The following GK2 variants were observed in gnomAD, a reference collection of about 807,000 sequenced individuals.
GK2 encodes the protein glycerol kinase 2.
GK2 carries 10 observed loss-of-function variants against 9.5 expected under a neutral mutation model. The observed-to-expected ratio is 1.05, with a 90% CI of 0.65 to 1.78. The LOEUF is 1.78. Ranked by LOEUF, GK2 falls within the 40% of genes most tolerant of loss-of-function variation. GK2 has a pLI of 0.00. For synonymous variants in GK2, 228 were observed against 229.9 expected, an observed-to-expected ratio of 0.99 and a Z score of 0.07; for missense variants, 643 against 669.0, an observed-to-expected ratio of 0.96 and a Z score of 0.43.
In GK2 at chr4:79,406,445, A is replaced by T. The variant is rs1275096960; in HGVS notation, c.*94T>A. The stretch of plus-strand genomic sequence containing the variant: ...GCAAGTGGTTTATAAACAAAATCAG[A>T]GTCTATAATAGTGTCATTATATTAA... On this transcript the variant is annotated 3_prime_UTR_variant, in exon 1 of 1. Transcript: ENST00000358842. 2.8e-6 allele frequency: 2 copies of T among 726,176 alleles called. No individual in the cohort carries two copies. The highest frequency in any genetic ancestry group is 4.6e-6 in the Non-Finnish European group (2 of 436,764). The allele number at this position is 726,176 out of a possible 1,614,324, so 45.0% of individuals were successfully genotyped here.
chr4:79,407,728 A>G lies in GK2; in HGVS notation c.473T>C (p.Leu158Pro). The part of the protein sequence containing the change: ...YFSAVKLRWM[L>P]DNVRNVQKAV... ...CTTTTGGACGTTTCTCACATTGTCA[A>G]GCATCCAACGAAGTTTTACTGCACT... is the stretch of plus-strand genomic sequence containing the variant. The change falls in exon 1 of 1, where the codon CTT becomes CCT. Residue 158 changes from leucine to proline, a missense_variant. Physicochemically the swap from Leu to Pro is moderately conservative, Grantham distance 98 (BLOSUM62 -3). Transcript: ENST00000358842. 1 of 1,614,162 alleles carries G rather than the reference A, an allele frequency of 6.2e-7. No homozygotes were observed. Among genetic ancestry groups the G allele is most frequent in the Non-Finnish European group, 8.5e-7 (1 of 1,180,010 alleles).
In GK2 at chr4:79,406,592, C is replaced by T. The variant is rs1482615770; in HGVS notation, c.1609G>A (p.Val537Met). The change falls in exon 1 of 1, where the codon GTG (valine) becomes ATG (methionine). Residue 537 changes from valine to methionine, a missense_variant. By Grantham distance (21) the Val-to-Met change is conservative (BLOSUM62 1). Coordinates refer to ENST00000358842, the MANE Select transcript of GK2 (RefSeq NM_033214.3). ...CCAATTAGCATTACCATGCTACTCA[C>T]TATAAAAAATCCCAAAGGCAGACTA... ...FSSLPLGFFI[V>M]SSMVMLIGAR... 1.9e-6 allele frequency: 3 copies of T among 1,613,830 alleles called. No homozygotes were observed. Among genetic ancestry groups the T allele is most frequent in the Non-Finnish European group, 2.5e-6 (3 of 1,179,850 alleles).
In GK2 at chr4:79,407,929, C is replaced by T. The variant is rs769063042; in HGVS notation, c.272G>A (p.Ser91Asn). 1.4e-4 allele frequency: 219 copies of T among 1,614,048 alleles called. 1 individual carries two copies. The highest frequency in any genetic ancestry group is 1.8e-4 in the Non-Finnish European group (214 of 1,180,010). ...DISNIKAVGV[S>N]NQRETTVIWD... ...GATTACAGTGGTTTCCCTCTGATTG[C>T]TGACACCAACAGCTTTTATGTTGGA... The change falls in exon 1 of 1, where the codon AGC becomes AAC. Residue 91 changes from serine (S) to asparagine (N), a missense_variant. Ser to Asn is a conservative substitution (Grantham distance 46). Transcript: ENST00000358842.
In GK2 at chr4:79,406,466, A is replaced by G; in HGVS notation, c.*73T>C. Reference sequence around the variant, plus strand: ...TCAGAGTCTATAATAGTGTCATTATATTAAGAGGCAGAACTGCTATATGCT... The same window carrying G: ...TCAGAGTCTATAATAGTGTCATTATGTTAAGAGGCAGAACTGCTATATGCT... On this transcript the variant is annotated 3_prime_UTR_variant, in exon 1 of 1. Transcript: ENST00000358842. 1 of 879,510 alleles carries G rather than the reference A, an allele frequency of 1.1e-6. No homozygotes were observed. The highest frequency in any genetic ancestry group is 1.8e-6 in the Non-Finnish European group (1 of 556,374). 54.5% of individuals were successfully genotyped at this position (879,510 alleles called of 1,614,324 possible).
In GK2 at chr4:79,408,158, C is replaced by T. The variant is rs1429317086; in HGVS notation, c.43G>A (p.Ala15Thr). Residue 15 changes from alanine to threonine, a missense_variant, in exon 1 of 1, where the codon GCG becomes ACG. Transcript: ENST00000358842. ...KTAAVGPLVG[A>T]VVQGTNSTRF... ...GTGGAGTTGGTGCCCTGGACCACCG[C>T]TCCCACCAACGGCCCCACAGCTGCT... The T allele has an allele frequency of 3.1e-6, 5 of 1,609,706 alleles. No homozygotes were observed. Among genetic ancestry groups the T allele is most frequent in the Non-Finnish European group, 3.4e-6 (4 of 1,177,700 alleles).
rs910556956 is a variant in GK2, at chr4:79,406,890, T to C, written c.1311A>G (p.Leu437=). The C allele has an allele frequency of 6.2e-7, 1 of 1,614,088 alleles. No homozygotes were observed. The highest frequency in any genetic ancestry group is 8.5e-7 in the Non-Finnish European group (1 of 1,180,018). The change falls in exon 1 of 1, where the codon CTA becomes CTG. Residue 437 remains leucine (L), a synonymous_variant. Transcript: ENST00000358842. ...CTGGAATATGAAGAATATCTGCTTGTAGCTGCATAAGAACTTTGTTGTTGG... is the reference window on the plus strand; with the variant it reads ...CTGGAATATGAAGAATATCTGCTTGCAGCTGCATAAGAACTTTGTTGTTGG... ...GMTNNKVLMQ[L]QADILHIPVI...
At position 79,407,546 on chromosome 4, in the gene GK2, G is replaced by A. The variant is rs1725882722; in HGVS notation, c.655C>T (p.Leu219Phe). The A allele has an allele frequency of 1.2e-6, 2 of 1,614,004 alleles. No individual in the cohort carries two copies. The highest frequency in any genetic ancestry group is 1.3e-5 in the African/African-American group (1 of 74,910). Residue 219 changes from leucine (L) to phenylalanine (F), a missense_variant, in exon 1 of 1, where the codon CTC (leucine) becomes TTC (phenylalanine). Physicochemically the swap from Leu to Phe is conservative, Grantham distance 22. Coordinates refer to ENST00000358842, the MANE Select transcript of GK2 (RefSeq NM_033214.3). Reference sequence around the variant, plus strand: ...ATTGGAATTTCAAAAAAGTCACAGAGCTCTTTATCCCATTCCAAAGAATGG... The same window carrying A: ...ATTGGAATTTCAAAAAAGTCACAGAACTCTTTATCCCATTCCAAAGAATGG... Reference protein sequence around the residue: ...NIHSLEWDKELCDFFEIPMDL... With the variant: ...NIHSLEWDKEFCDFFEIPMDL...
In GK2 at chr4:79,408,063, C is replaced by T. The variant is rs201184235; in HGVS notation, c.138G>A (p.Glu46=). Reference sequence around the variant, plus strand: ...GTTCCACCCATCCTTCTTTTGGGAACTCTTGTGTTAATTCCACTTTGTGAT... The same window carrying T: ...GTTCCACCCATCCTTCTTTTGGGAATTCTTGTGTTAATTCCACTTTGTGAT... ...LSHHKVELTQ[E]FPKEGWVEQD... is the part of the protein sequence containing the mutation. The change falls in exon 1 of 1, where the codon GAG becomes GAA. Residue 46 remains glutamate (E), a synonymous_variant. Coordinates refer to ENST00000358842, the MANE Select transcript of GK2 (RefSeq NM_033214.3). 28 of 1,614,204 alleles carry T rather than the reference C, an allele frequency of 1.7e-5. No individual in the cohort carries two copies. In the East Asian group the frequency reaches 6.0e-4, roughly 35 times the overall value.
rs901112580 is a variant in GK2, at chr4:79,406,557, A to G, written c.1644T>C (p.Tyr548=). ...SSMVMLIGAR[Y]ISGVP is the part of the protein sequence containing the mutation. ...GGTATTATTATGGCACACCCGAGAT[A>G]TATCTTGCTCCAATTAGCATTACCA... Residue 548 remains tyrosine (Y), a synonymous_variant, in exon 1 of 1, where the codon TAT becomes TAC. Coordinates refer to ENST00000358842, the MANE Select transcript of GK2 (RefSeq NM_033214.3). The G allele has an allele frequency of 1.2e-6, 2 of 1,607,572 alleles. No homozygotes were observed. The highest frequency in any genetic ancestry group is 1.7e-6 in the Non-Finnish European group (2 of 1,174,208).
rs144787079 is a variant in GK2, at chr4:79,407,958, A to G, written c.243T>C (p.Asp81=). Residue 81 remains aspartate, a synonymous_variant, in exon 1 of 1, where the codon GAT becomes GAC. Coordinates refer to ENST00000358842, the MANE Select transcript of GK2 (RefSeq NM_033214.3). ...TCEKLDELNI[D]ISNIKAVGVS... ...CACCAACAGCTTTTATGTTGGATAT[A>G]TCAATATTCAGTTCGTCAAGTTTCT... 491 of 1,614,004 alleles carry G rather than the reference A, an allele frequency of 3.0e-4. No homozygotes were observed. The African/African-American group carries it at 6.0e-3, about 20-fold the overall frequency.
At position 79,406,744 on chromosome 4, in the gene GK2, C is replaced by T. The variant is rs774708528; in HGVS notation, c.1457G>A (p.Arg486Gln). 1.1e-5 allele frequency: 18 copies of T among 1,614,052 alleles called. No individual in the cohort carries two copies. The East Asian group carries it at 3.6e-4, about 32-fold the overall frequency. Residue 486 changes from arginine to glutamine, a missense_variant, in exon 1 of 1, where the codon CGA becomes CAA. Arg to Gln is a conservative substitution (Grantham distance 43). Transcript: ENST00000358842. ...TGTGGCCTGGATCTGTGGTTCAAAT[C>T]GTTCCATCCTGAGAACTGACAAAGC... is the stretch of plus-strand genomic sequence containing the variant. ...PQALSVLRME[R>Q]FEPQIQATES... is the part of the protein sequence containing the mutation.
Position 79,408,003 on chromosome 4 carries a change from C to T in GK2, c.198G>A (p.Glu66=). 2 of 1,614,122 alleles carry T rather than the reference C, an allele frequency of 1.2e-6. No individual in the cohort carries two copies. Among genetic ancestry groups the T allele is most frequent in the Non-Finnish European group, 1.7e-6 (2 of 1,179,958 alleles). Residue 66 remains glutamate, a synonymous_variant, in exon 1 of 1, where the codon GAG becomes GAA. Coordinates refer to ENST00000358842, the MANE Select transcript of GK2 (RefSeq NM_033214.3). ...DPKEILQSVY[E]CIARTCEKLD... ...GTTTCTCACACGTTCTCGCTATACA[C>T]TCGTAGACAGACTGAAGAATTTCTT...
In GK2 at chr4:79,406,745, G is replaced by C. The variant is rs200091513; in HGVS notation, c.1456C>G (p.Arg486Gly). The C allele has an allele frequency of 6.2e-7, 1 of 1,614,136 alleles. No individual in the cohort carries two copies. The change falls in exon 1 of 1, where the codon CGA (arginine) becomes GGA (glycine). Residue 486 changes from arginine to glycine, a missense_variant. Coordinates refer to ENST00000358842, the MANE Select transcript of GK2 (RefSeq NM_033214.3). ...GTGGCCTGGATCTGTGGTTCAAATCGTTCCATCCTGAGAACTGACAAAGCC... is the reference window on the plus strand; with the variant it reads ...GTGGCCTGGATCTGTGGTTCAAATCCTTCCATCCTGAGAACTGACAAAGCC... ...PQALSVLRME[R>G]FEPQIQATES...
Position 79,406,877 on chromosome 4 carries a change from G to A in GK2, c.1324C>T (p.Leu442Phe). Residue 442 changes from leucine to phenylalanine, a missense_variant, in exon 1 of 1, where the codon CTT becomes TTT. Coordinates refer to ENST00000358842, the MANE Select transcript of GK2 (RefSeq NM_033214.3). ...KVLMQLQADI[L>F]HIPVIKPFMP... Reference sequence around the variant, plus strand: ...AAGGGTTTTATTACTGGAATATGAAGAATATCTGCTTGTAGCTGCATAAGA... The same window carrying A: ...AAGGGTTTTATTACTGGAATATGAAAAATATCTGCTTGTAGCTGCATAAGA... 1.2e-5 allele frequency: 20 copies of A among 1,614,194 alleles called. No individual in the cohort carries two copies. Among genetic ancestry groups the A allele is most frequent in the East Asian group, 2.2e-5 (1 of 44,884 alleles).
Position 79,407,698 on chromosome 4 carries a change from A to T in GK2, c.503T>A (p.Val168Asp). Residue 168 changes from valine to aspartate, a missense_variant, in exon 1 of 1, where the codon GTT becomes GAT. Transcript: ENST00000358842. ...ACCAAAAAGAGCTCTACCTTCTTCA[A>T]CAGCCTTTTGGACGTTTCTCACATT... ...LDNVRNVQKA[V>D]EEGRALFGTI... The T allele has an allele frequency of 6.2e-7, 1 of 1,614,242 alleles. No individual in the cohort carries two copies. The highest frequency in any genetic ancestry group is 8.5e-7 in the Non-Finnish European group (1 of 1,180,032).
chr4:79,406,724 C>G lies in GK2; in HGVS notation c.1477G>C (p.Ala493Pro). The change falls in exon 1 of 1, where the codon GCC (alanine) becomes CCC (proline). Residue 493 changes from alanine (A) to proline (P), a missense_variant. Coordinates refer to ENST00000358842, the MANE Select transcript of GK2 (RefSeq NM_033214.3). ...RMERFEPQIQ[A>P]TESEIRYATW... ...GCATAACGAATTTCACTTTCTGTGGCCTGGATCTGTGGTTCAAATCGTTCC... is the reference window on the plus strand; with the variant it reads ...GCATAACGAATTTCACTTTCTGTGGGCTGGATCTGTGGTTCAAATCGTTCC... 6.2e-7 allele frequency: 1 copy of G among 1,614,190 alleles called. No homozygotes were observed. Among genetic ancestry groups the G allele is most frequent in the Non-Finnish European group, 8.5e-7 (1 of 1,180,034 alleles).
Position 79,408,082 on chromosome 4 carries a change from T to C in GK2, c.119A>G (p.Lys40Arg). The change falls in exon 1 of 1, where the codon AAA (lysine) becomes AGA (arginine). Residue 40 changes from lysine to arginine, a missense_variant. Transcript: ENST00000358842. Reference sequence around the variant, plus strand: ...TGGGAACTCTTGTGTTAATTCCACTTTGTGATGACTAAGTAGTTCCGCTGT... The same window carrying C: ...TGGGAACTCTTGTGTTAATTCCACTCTGTGATGACTAAGTAGTTCCGCTGT... ...SKTAELLSHH[K>R]VELTQEFPKE... is the part of the protein sequence containing the mutation. 1.2e-6 allele frequency: 2 copies of C among 1,614,224 alleles called. No individual in the cohort carries two copies. The highest frequency in any genetic ancestry group is 1.7e-6 in the Non-Finnish European group (2 of 1,180,020).
rs201971001 is a variant in GK2 at position 79,407,721 on chromosome 4, A to G, written c.480T>C (p.Asn160=). The G allele has an allele frequency of 1.3e-5, 21 of 1,614,030 alleles. No individual in the cohort carries two copies. In the African/African-American group the frequency reaches 2.5e-4, roughly 19 times the overall value. The change falls in exon 1 of 1, where the codon AAT becomes AAC. Residue 160 remains asparagine (N), a synonymous_variant. Coordinates refer to ENST00000358842, the MANE Select transcript of GK2 (RefSeq NM_033214.3). ...CAACAGCCTTTTGGACGTTTCTCACATTGTCAAGCATCCAACGAAGTTTTA... is the reference window on the plus strand; with the variant it reads ...CAACAGCCTTTTGGACGTTTCTCACGTTGTCAAGCATCCAACGAAGTTTTA... ...SAVKLRWMLD[N]VRNVQKAVEE... is the part of the protein sequence containing the mutation.
Position 79,406,993 on chromosome 4 carries a change from T to G in GK2, c.1208A>C (p.Gln403Pro). The change falls in exon 1 of 1, where the codon CAA (glutamine) becomes CCA (proline). Residue 403 changes from glutamine (Q) to proline (P), a missense_variant. By Grantham distance (76) the Gln-to-Pro change is moderately conservative (BLOSUM62 -1). Transcript: ENST00000358842. ...AFAALEAVCF[Q>P]TREILEAMNR... is the part of the protein sequence containing the mutation. The stretch of plus-strand genomic sequence containing the variant: ...CATGGCTTCCAAAATCTCTCGGGTT[T>G]GGAAACAAACAGCTTCTAATGCAGC... The G allele has an allele frequency of 6.2e-7, 1 of 1,614,254 alleles. No individual in the cohort carries two copies. The highest frequency in any genetic ancestry group is 1.1e-5 in the South Asian group (1 of 91,086).
Sources: allele counts gnomAD v4.1 joint callset, GRCh38; gene constraint gnomAD v4.1.1; transcripts MANE v1.5; gene names NCBI Gene and HGNC (gene_info 2026-07-23, HGNC 2026-07-21).